The following PAPPA2 variants were observed in gnomAD, a reference collection of about 807,000 sequenced individuals.
PAPPA2 encodes pappalysin 2, also known as pappalysin-2.
PAPPA2 carries 86 observed loss-of-function variants against 176.4 expected under a neutral mutation model. The observed-to-expected ratio is 0.49, with a 90% confidence interval of 0.41 to 0.58. PAPPA2 has a LOEUF of 0.58. PAPPA2 is among the 20% of genes least tolerant of loss of function. PAPPA2 has a pLI of 0.00. For missense variants in PAPPA2, 2,073 were observed against 2,256.9 expected (o/e 0.92, Z 1.65); for synonymous variants, 809 against 852.2 (o/e 0.95, Z 0.88).
intron 17 of PAPPA2, among the ~76,000 whole-genome samples, chr1:176,787,362 G>A (rs1228315099): frequency 6.6e-6 from 1 of 151,874 alleles, no homozygotes; most frequent in East Asian, 1.9e-4. Flanking sequence ...AGCCTCCCCA[G>A]TAGCTGGGAC....
intron 12 of PAPPA2, among the ~76,000 whole-genome samples, chr1:176,720,364 T>A (rs759631461): frequency 6.6e-6 from 1 of 152,154 alleles, no homozygotes; most frequent in Non-Finnish European, 1.5e-5. Context: ...ATATTTAATA[T>A]GCTTAGTTTG....
At chr1:176,690,729 G>T in intron 5 of PAPPA2, 2 of 1,190,998 alleles carry the variant, frequency 1.7e-6, no homozygotes, top group African/African-American at 1.6e-5. Flanking sequence ...TGATCCCCTT[G>T]ACTTCTAGAA....
chr1:176,820,353 C>T (rs933635555), intron 21 of PAPPA2, among the ~76,000 whole-genome samples: 2 of 152,116 alleles, frequency 1.3e-5, no homozygotes, highest in Non-Finnish European at 2.9e-5. Context: ...TGGCTTTTCT[C>T]GGGCTTGTTT....
In PAPPA2 at chr1:176,817,809, T is replaced by A. The variant is rs150487145; in HGVS notation, c.5202+17677T>A. 6.0e-3 allele frequency among the ~76,000 whole-genome samples: 913 copies of A among 152,088 alleles called. 11 individuals carry two copies. Among genetic ancestry groups the A allele is most frequent in the African/African-American group, 0.02 (847 of 41,494 alleles). ...TGGGCTTGGCTTTAGACTGAGTTTG[T>A]TCAGTAGAATTGGAAATAAAAATCT... On this transcript the variant is annotated intron_variant, in intron 21 of 22. Transcript: ENST00000367662.
intron 17 of PAPPA2, among the ~76,000 whole-genome samples, chr1:176,779,055 T>C (rs2902063): frequency 0.34 from 51,024 of 152,070 alleles, 9,376 homozygotes; most frequent in African/African-American, 0.46. Context: ...AACTCAGCCC[T>C]TGTTGAATTC....
chr1:176,743,377 C>A (rs1662769998), intron 14 of PAPPA2, among the ~76,000 whole-genome samples: 1 of 152,214 alleles, frequency 6.6e-6, no homozygotes, highest in Middle Eastern at 3.4e-3. Context: ...CAGTTTATGA[C>A]CCTTTGAGCT....
At chr1:176,671,710 A>G (rs564635390) in intron 4 of PAPPA2, among the ~76,000 whole-genome samples, 2 of 152,090 alleles carry the variant, frequency 1.3e-5, no homozygotes, top group African/African-American at 4.8e-5. Context: ...GCACATATAC[A>G]CCATGGAATA....
Position 176,556,958 on chromosome 1 carries a change from C to T in PAPPA2, c.636C>T (p.Asp212=), listed in dbSNP as rs1387375215. 1 of 1,613,936 alleles carries T rather than the reference C, an allele frequency of 6.2e-7. No individual in the cohort carries two copies. Among genetic ancestry groups the T allele is most frequent in the Non-Finnish European group, 8.5e-7 (1 of 1,180,010 alleles). ...GGCGGGCGGAAGATGGGCAGGGAGA[C>T]TCCGGTATCTCTTCACATTTCCAAC... ...WKRRAEDGQG[D]SGISSHFQPW... Residue 212 remains aspartate, a synonymous_variant, in exon 2 of 23, where the codon GAC becomes GAT. Coordinates refer to ENST00000367662, the MANE Select transcript of PAPPA2 (RefSeq NM_020318.3).
chr1:176,732,191 A>T (rs1662191970), intron 12 of PAPPA2, among the ~76,000 whole-genome samples: 1 of 152,152 alleles, frequency 6.6e-6, no homozygotes, highest in African/African-American at 2.4e-5. Flanking sequence ...AGTTGACAAG[A>T]TCCTTTGTTA....
At chr1:176,601,782 A>C (rs1239767374) in intron 3 of PAPPA2, among the ~76,000 whole-genome samples, 1 of 152,148 alleles carries the variant, frequency 6.6e-6, no homozygotes, top group East Asian at 1.9e-4. Flanking sequence ...CCCTCAGGGG[A>C]ACTTGTCTTC....
At chr1:176,573,726 G>T (rs1558446183) in intron 2 of PAPPA2, among the ~76,000 whole-genome samples, 2 of 152,218 alleles carry the variant, frequency 1.3e-5, no homozygotes, top group East Asian at 1.9e-4. Context: ...TTGGAGCAAA[G>T]TAATGACTCT....
chr1:176,793,238 G>A (rs1267041252), intron 19 of PAPPA2, among the ~76,000 whole-genome samples: 2 of 152,144 alleles, frequency 1.3e-5, no homozygotes, highest in Admixed American at 6.5e-5. Flanking sequence ...TTGGAGGCCA[G>A]CTGGGCCAAG....
intron 7 of PAPPA2, 127 bp downstream of exon 7, chr1:176,695,986 G>C (rs147040432): frequency 1.5e-6 from 1 of 685,326 alleles, no homozygotes; most frequent in Non-Finnish European, 2.0e-6. Context: ...GTGTGTGTGT[G>C]TGTGTGTGTG....
At chr1:176,623,614 C>CTTTCTTTCTTT (rs1558479036) in intron 3 of PAPPA2, among the ~76,000 whole-genome samples, 41 of 88,280 alleles carry the variant, frequency 4.6e-4, no homozygotes, top group Admixed American at 5.4e-4. Flanking sequence ...TTCCTTCCTT[C>CTTTCTTTCTTT]CTTCCTTCCT....
At chr1:176,679,412 T>A (rs1293902029) in intron 4 of PAPPA2, among the ~76,000 whole-genome samples, 1 of 152,188 alleles carries the variant, frequency 6.6e-6, no homozygotes, top group Non-Finnish European at 1.5e-5. Flanking sequence ...AATTAACATG[T>A]TGCAACTTGC....
intron 3 of PAPPA2, among the ~76,000 whole-genome samples, chr1:176,666,613 GAGAGAGAGAGAGAGAA>G (rs1308521941): frequency 6.7e-6 from 1 of 149,868 alleles, no homozygotes; most frequent in Non-Finnish European, 1.5e-5. Context: ...GTGTGTGAGA[GAGAGAGAGAGAGAGAA>G]AGAGAGAGAC....
chr1:176,644,440 C>T (rs1558493355), intron 3 of PAPPA2, among the ~76,000 whole-genome samples: 1 of 151,764 alleles, frequency 6.6e-6, no homozygotes, highest in Non-Finnish European at 1.5e-5. Context: ...ATCCCTTACA[C>T]TTAATTATTT....
At chr1:176,501,401 G>A (rs1647955133) in intron 1 of PAPPA2, among the ~76,000 whole-genome samples, 1 of 152,082 alleles carries the variant, frequency 6.6e-6, no homozygotes, top group Admixed American at 6.6e-5. Context: ...TCTAGGTGAA[G>A]TTGTCCTGTC....
At chr1:176,498,125 T>G (rs2102503719) in intron 1 of PAPPA2, among the ~76,000 whole-genome samples, 1 of 152,372 alleles carries the variant, frequency 6.6e-6, no homozygotes, top group Middle Eastern at 3.4e-3. Flanking sequence ...ATTATTCTTT[T>G]CAACTCTAAA....
Sources: allele counts gnomAD v4.1 joint callset (sites outside exome capture counted in the v4.1 genomes callset), GRCh38; gene constraint gnomAD v4.1.1; transcripts MANE v1.5; gene names NCBI Gene and HGNC (gene_info 2026-07-23, HGNC 2026-07-21).